Variants in PITPNC1 observed in about 807,000 individuals in gnomAD.
PITPNC1 encodes phosphatidylinositol transfer protein cytoplasmic 1.
In PITPNC1, 18 loss-of-function variants were observed where a neutral mutation model predicts 44.7. The observed-to-expected ratio is 0.40, with a 90% CI of 0.28 to 0.60. PITPNC1 has a LOEUF of 0.60. Among genes scored for constraint, PITPNC1 ranks in the 20% least tolerant of loss-of-function variants. The pLI is 0.39. For missense variants in PITPNC1, 290 were observed against 418.4 expected (o/e 0.69, Z 2.68); for synonymous variants, 141 against 149.6 (o/e 0.94, Z 0.42).
At chr17:67,634,949 A>C (rs1400533109) in intron 6 of PITPNC1, among the ~76,000 whole-genome samples, 1 of 152,158 alleles carries the variant, frequency 6.6e-6, no homozygotes, top group Admixed American at 6.6e-5. Flanking sequence ...GCTACTCAGA[A>C]GACTGAGGCA....
At chr17:67,401,188 G>C (rs1379011609) in intron 1 of PITPNC1, among the ~76,000 whole-genome samples, 1 of 152,138 alleles carries the variant, frequency 6.6e-6, no homozygotes, top group African/African-American at 2.4e-5. Flanking sequence ...GCCCGCCCTG[G>C]TCTCCCAAAA....
rs916961805 is a variant in PITPNC1, at chr17:67,490,918, T to G, written c.49-41884T>G. Among the ~76,000 whole-genome samples the G allele has an allele frequency of 3.9e-5, 6 of 152,364 alleles. No individual in the cohort carries two copies. The South Asian group carries it at 1.2e-3, about 32-fold the overall frequency. ...TCAAACTTTATACTTACTTCTCTCC[T>G]CCTCTGATTCTATTCAAGGAATGTG... On this transcript the variant is annotated intron_variant, in intron 1 of 8. Coordinates refer to ENST00000581322, the MANE Select transcript of PITPNC1 (RefSeq NM_012417.4).
chr17:67,647,612 A>G (rs551220121), intron 6 of PITPNC1, among the ~76,000 whole-genome samples: 1 of 150,978 alleles, frequency 6.6e-6, no homozygotes, highest in Non-Finnish European at 1.5e-5. Context: ...CACCCAGCCC[A>G]GGAAGCTATT....
Position 67,512,015 on chromosome 17 carries a change from C to T in PITPNC1, c.49-20787C>T, listed in dbSNP as rs1160076819. Among the ~76,000 whole-genome samples, 14 of 152,288 alleles carry T rather than the reference C, an allele frequency of 9.2e-5. No individual in the cohort carries two copies. The East Asian group carries it at 2.5e-3, about 27-fold the overall frequency. ...TCCTGCTGATGATGCACTTGAATTT[C>T]GCATTGCTGTTCTCTGCCTGCCAGG... On this transcript the variant is annotated intron_variant, in intron 1 of 8. Transcript: ENST00000581322.
chr17:67,442,692 AAT>A (rs111926157), intron 1 of PITPNC1, among the ~76,000 whole-genome samples: 1 of 150,546 alleles, frequency 6.6e-6, no homozygotes, highest in Non-Finnish European at 1.5e-5. Flanking sequence ...AAAATACAAA[AAT>A]ATATATATAT....
At chr17:67,537,699 G>A (rs2040548657) in intron 2 of PITPNC1, among the ~76,000 whole-genome samples, 1 of 152,040 alleles carries the variant, frequency 6.6e-6, no homozygotes, top group Admixed American at 6.6e-5. Flanking sequence ...GGTGCTGGGT[G>A]CAGTGGCTCA....
intron 5 of PITPNC1, among the ~76,000 whole-genome samples, chr17:67,628,070 G>T (rs2041917218): frequency 6.6e-6 from 1 of 151,866 alleles, no homozygotes. Context: ...GGGTTCACAG[G>T]CATGTGCCAC....
chr17:67,472,746 C>T (rs748295358), intron 1 of PITPNC1, among the ~76,000 whole-genome samples: 5 of 152,012 alleles, frequency 3.3e-5, no homozygotes, highest in South Asian at 2.1e-4. Flanking sequence ...TCCTGGGCCA[C>T]GGGTTGGACA....
At chr17:67,445,916 A>G (rs545744085) in intron 1 of PITPNC1, among the ~76,000 whole-genome samples, 19 of 151,018 alleles carry the variant, frequency 1.3e-4, no homozygotes, top group Non-Finnish European at 2.5e-4. Context: ...TTCCAATCAG[A>G]CTCTAGGTAT....
rs151166964 is a variant in PITPNC1, at chr17:67,413,401, TTTTCTTTCTTTC to T, written c.48+35219_48+35230del. Among the ~76,000 whole-genome samples the T allele has an allele frequency of 7.6e-5, 11 of 145,510 alleles. No homozygotes were observed. In the East Asian group the frequency reaches 1.2e-3, roughly 16 times the overall value. ...AAAAAGCACTTTATAATGTGCTTAA[TTTTCTTTCTTTC>T]TTTCTTTCTTTCTTTCTTTTTGGAA... On this transcript the variant is annotated intron_variant, in intron 1 of 8. Coordinates refer to ENST00000581322, the MANE Select transcript of PITPNC1 (RefSeq NM_012417.4).
intron 1 of PITPNC1, among the ~76,000 whole-genome samples, chr17:67,492,211 G>C (rs780407136): frequency 3.3e-5 from 5 of 152,138 alleles, no homozygotes; most frequent in Non-Finnish European, 7.4e-5. Flanking sequence ...ATCCCCCAGA[G>C]CCTGTGAATA....
chr17:67,416,852 GC>G (rs1347640575), intron 1 of PITPNC1, among the ~76,000 whole-genome samples: 1 of 151,660 alleles, frequency 6.6e-6, no homozygotes, highest in African/African-American at 2.4e-5. Flanking sequence ...CTCTCTTGTT[GC>G]CCAGGCTGGA....
intron 4 of PITPNC1, among the ~76,000 whole-genome samples, chr17:67,573,026 A>G (rs1208760231): frequency 6.6e-6 from 1 of 152,212 alleles, no homozygotes; most frequent in African/African-American, 2.4e-5. Flanking sequence ...CCTTGGTTTC[A>G]GGCTTCTGGC....
At chr17:67,410,763 C>T (rs1266145149) in intron 1 of PITPNC1, among the ~76,000 whole-genome samples, 1 of 152,022 alleles carries the variant, frequency 6.6e-6, no homozygotes, top group Non-Finnish European at 1.5e-5. Context: ...TACTATTGCT[C>T]TCTTAACTAG....
chr17:67,616,248 C>A (rs1028412546), intron 5 of PITPNC1, among the ~76,000 whole-genome samples: 4 of 152,128 alleles, frequency 2.6e-5, no homozygotes, highest in African/African-American at 7.2e-5. Context: ...TCAAGCAATT[C>A]TCCTGCCTCA....
At chr17:67,650,551 C>A (rs564253455) in intron 6 of PITPNC1, among the ~76,000 whole-genome samples, 1 of 142,258 alleles carries the variant, frequency 7.0e-6, no homozygotes, top group African/African-American at 2.7e-5. Context: ...CGGGTTTAAG[C>A]GATTCTCCTG....
At position 67,692,935 on chromosome 17, in the gene PITPNC1, TTG is replaced by T. The variant is rs773832575; in HGVS notation, c.*49_*50del. 22 of 1,233,006 alleles carry T rather than the reference TTG, an allele frequency of 1.8e-5. No individual in the cohort carries two copies. The highest frequency in any genetic ancestry group is 4.2e-5 in the South Asian group (3 of 71,264). The allele number at this position is 1,233,006 out of a possible 1,614,324, so 76.4% of individuals were successfully genotyped here. ...GGTTTTATATTTTCATTTGTTGTTG[TTG>T]TTTTTTTTTAAGAATCTTCTGATAG... On this transcript the variant is annotated 3_prime_UTR_variant, in exon 9 of 9. Coordinates refer to ENST00000581322, the MANE Select transcript of PITPNC1 (RefSeq NM_012417.4).
chr17:67,634,938 G>A (rs1006724014), intron 6 of PITPNC1, among the ~76,000 whole-genome samples: 10 of 152,136 alleles, frequency 6.6e-5, no homozygotes, highest in Admixed American at 3.3e-4. Context: ...CTTTAGTCCC[G>A]GCTACTCAGA....
chr17:67,525,899 T>C (rs1350368280), intron 1 of PITPNC1, among the ~76,000 whole-genome samples: 2 of 152,226 alleles, frequency 1.3e-5, no homozygotes, highest in Non-Finnish European at 2.9e-5. Flanking sequence ...TGGGTAAATA[T>C]GTGATTTCAC....
Sources: gnomAD v4.1 joint callset for allele counts (sites outside exome capture counted in the v4.1 genomes callset) on GRCh38, gnomAD v4.1.1 for gene constraint, MANE v1.5 for transcripts, NCBI Gene and HGNC (gene_info 2026-07-23, HGNC 2026-07-21) for gene names.